Variants in RSRC1 observed in about 807,000 individuals in gnomAD.
RSRC1 encodes the protein arginine and serine rich coiled-coil 1.
RSRC1 carries 39 observed loss-of-function variants against 49.1 expected under a neutral mutation model. That is an observed-to-expected ratio of 0.79 (90% CI 0.61 to 1.04). The LOEUF is 1.04. RSRC1 is among the 50% of genes least tolerant of loss of function. The probability of loss-of-function intolerance (pLI) is 0.00; values close to 1 mark genes in which losing one functional copy is unlikely to be tolerated. For missense variants in RSRC1, 388 were observed against 402.4 expected (o/e 0.96, Z 0.31); for synonymous variants, 143 against 130.8 (o/e 1.09, Z -0.63).
At chr3:158,451,517 C>T (rs770215256) in intron 6 of RSRC1, among the ~76,000 whole-genome samples, 13 of 151,988 alleles carry the variant, frequency 8.6e-5, no homozygotes, top group Non-Finnish European at 1.5e-4. Context: ...GAGACCCTGG[C>T]ACTTCAGTCA....
intron 7 of RSRC1, among the ~76,000 whole-genome samples, chr3:158,464,884 A>G (rs76094704): frequency 0.01 from 1,523 of 152,258 alleles, 93 homozygotes; most frequent in East Asian, 0.087. Context: ...AAGCCAGGAT[A>G]CAAACCCGGG....
chr3:158,192,234 T>TA (rs1446586298), intron 3 of RSRC1, among the ~76,000 whole-genome samples: 4 of 152,102 alleles, frequency 2.6e-5, no homozygotes, highest in Non-Finnish European at 5.9e-5. Flanking sequence ...TTTTAAAACT[T>TA]ACTGCTTTCT....
At position 158,291,078 on chromosome 3, in the gene RSRC1, G is replaced by A. The variant is rs370595765; in HGVS notation, c.495-6961G>A. Among the ~76,000 whole-genome samples, 88 of 152,294 alleles carry A rather than the reference G, an allele frequency of 5.8e-4. No individual in the cohort carries two copies. In the South Asian group the frequency reaches 0.018, roughly 30 times the overall value. On this transcript the variant is annotated intron_variant, in intron 4 of 9. Coordinates refer to ENST00000611884, the MANE Select transcript of RSRC1 (RefSeq NM_001271838.2). ...TAGCTGAGTGTGGTGGCACATGCCT[G>A]TGGTCATAGCTACTTGGGAGCCTGA...
At chr3:158,161,273 GCTCTGTTCCTGT>G in intron 3 of RSRC1, among the ~76,000 whole-genome samples, 1 of 152,120 alleles carries the variant, frequency 6.6e-6, no homozygotes, top group South Asian at 2.1e-4. Context: ...GTTGAGATCA[GCTCTGTTCCTGT>G]CTCTTTCATC....
Position 158,379,814 on chromosome 3 carries a change from G to GCACACACACACACACA in RSRC1, c.583+24914_583+24929dup, listed in dbSNP as rs140953408. ...CACATACATACAAACACACGCGCAT[G>GCACACACACACACACA]CACACACACACACACACACACACCC... On this transcript the variant is annotated intron_variant, in intron 6 of 9. Transcript: ENST00000611884. Among the ~76,000 whole-genome samples, 235 of 147,006 alleles carry GCACACACACACACACA rather than the reference G, an allele frequency of 1.6e-3. 2 individuals are homozygous for GCACACACACACACACA. The highest frequency in any genetic ancestry group is 3.6e-3 in the Middle Eastern group (1 of 280).
chr3:158,529,929 A>G (rs1712282813), intron 7 of RSRC1, among the ~76,000 whole-genome samples: 2 of 151,902 alleles, frequency 1.3e-5, no homozygotes, highest in Non-Finnish European at 2.9e-5. Flanking sequence ...TCAGTGAATC[A>G]TGGTAGACTC....
intron 7 of RSRC1, among the ~76,000 whole-genome samples, chr3:158,527,131 G>GCTTCTGAA (rs1237746937): frequency 5.5e-5 from 7 of 126,510 alleles, no homozygotes; most frequent in Non-Finnish European, 7.8e-5. Context: ...TATACTCGCC[G>GCTTCTGAA]CTTCTGAATA....
At chr3:158,331,131 G>A (rs1487696102) in intron 5 of RSRC1, among the ~76,000 whole-genome samples, 1 of 152,198 alleles carries the variant, frequency 6.6e-6, no homozygotes, top group Admixed American at 6.5e-5. Flanking sequence ...CAACACTTGG[G>A]AATTATGAGA....
At chr3:158,469,006 G>C (rs1418438462) in intron 7 of RSRC1, among the ~76,000 whole-genome samples, 2 of 152,002 alleles carry the variant, frequency 1.3e-5, no homozygotes, top group Admixed American at 6.6e-5. Flanking sequence ...TATTTTAAAA[G>C]TTTCTGTGAC....
intron 3 of RSRC1, among the ~76,000 whole-genome samples, chr3:158,202,234 C>G (rs1419459062): frequency 6.6e-6 from 1 of 152,140 alleles, no homozygotes; most frequent in East Asian, 1.9e-4. Flanking sequence ...AGGCTGGTCT[C>G]GGACCCCTGA....
chr3:158,505,788 T>G (rs1739834654), intron 7 of RSRC1, among the ~76,000 whole-genome samples: 1 of 135,154 alleles, frequency 7.4e-6, no homozygotes, highest in Non-Finnish European at 1.6e-5. Context: ...GGAGAAAGGA[T>G]AGGAATGTTC....
chr3:158,490,010 G>A (rs1200219777), intron 7 of RSRC1, among the ~76,000 whole-genome samples: 1 of 152,128 alleles, frequency 6.6e-6, no homozygotes, highest in Non-Finnish European at 1.5e-5. Flanking sequence ...TAACTGAACT[G>A]GTTACAATGT....
intron 3 of RSRC1, among the ~76,000 whole-genome samples, chr3:158,197,474 T>C (rs986047441): frequency 6.6e-6 from 1 of 152,222 alleles, no homozygotes; most frequent in Non-Finnish European, 1.5e-5. Context: ...ATTGATTTTT[T>C]GAAGGGATTT....
intron 7 of RSRC1, among the ~76,000 whole-genome samples, chr3:158,488,647 T>A (rs1428560562): frequency 1.3e-5 from 2 of 152,206 alleles, no homozygotes; most frequent in Non-Finnish European, 2.9e-5. Context: ...TAAAATTCCC[T>A]GATAATTTTT....
intron 3 of RSRC1, among the ~76,000 whole-genome samples, chr3:158,188,443 C>G (rs1720048642): frequency 1.3e-5 from 2 of 151,906 alleles, no homozygotes; most frequent in South Asian, 4.1e-4. Flanking sequence ...TCTCTGTCTC[C>G]TTAGCTCAAC....
intron 4 of RSRC1, among the ~76,000 whole-genome samples, chr3:158,229,367 C>G (rs1273835527): frequency 9.2e-6 from 1 of 108,558 alleles, no homozygotes; most frequent in Non-Finnish European, 2.1e-5. Context: ...CATATACACA[C>G]GTATATGTGT....
intron 6 of RSRC1, among the ~76,000 whole-genome samples, chr3:158,393,204 A>T (rs1160172109): frequency 1.3e-5 from 2 of 152,116 alleles, no homozygotes; most frequent in East Asian, 1.9e-4. Context: ...AAATGTCCCT[A>T]TCAAAAAGTT....
At chr3:158,497,441 A>ATTT (rs537452822) in intron 7 of RSRC1, among the ~76,000 whole-genome samples, 14 of 118,610 alleles carry the variant, frequency 1.2e-4, no homozygotes, top group African/African-American at 4.4e-4. Flanking sequence ...CCATTGTATC[A>ATTT]TTTTTTTTTT....
chr3:158,508,426 T>G (rs546311595), intron 7 of RSRC1, among the ~76,000 whole-genome samples: 1 of 145,016 alleles, frequency 6.9e-6, no homozygotes, highest in African/African-American at 2.5e-5. Flanking sequence ...CATTTTTCTT[T>G]CTTAACTATC....
Sources: gnomAD v4.1 joint callset for allele counts (sites outside exome capture counted in the v4.1 genomes callset) on GRCh38, gnomAD v4.1.1 for gene constraint, MANE v1.5 for transcripts, NCBI Gene and HGNC (gene_info 2026-07-23, HGNC 2026-07-21) for gene names.